ERBB4: variants seen among roughly 807,000 people sequenced by gnomAD.
The protein encoded by ERBB4 is receptor tyrosine-protein kinase erbB-4.
Under a neutral mutation model 158.0 loss-of-function variants are expected in ERBB4, and 42 were observed. The ratio of observed to expected loss-of-function variants is 0.27; its 90% CI spans 0.21 to 0.34. The LOEUF is 0.34. ERBB4 is among the 10% of genes least tolerant of loss of function. The pLI is 1.00. For synonymous variants in ERBB4, 583 were observed against 558.7 expected (o/e 1.04, Z -0.61); for missense variants, 1,333 against 1,624.1 (o/e 0.82, Z 3.08).
intron 1 of ERBB4, among the ~76,000 whole-genome samples, chr2:212,314,428 C>T (rs2106246176): frequency 6.8e-6 from 1 of 146,850 alleles, no homozygotes; most frequent in South Asian, 2.1e-4. Context: ...TGTGGTATTA[C>T]ATTAAAAAAA....
intron 16 of ERBB4, among the ~76,000 whole-genome samples, chr2:211,633,192 T>C (rs1264904676): frequency 6.6e-6 from 1 of 152,140 alleles, no homozygotes; most frequent in Non-Finnish European, 1.5e-5. Flanking sequence ...AGATCCTAGT[T>C]TGGACAAACC....
intron 1 of ERBB4, among the ~76,000 whole-genome samples, chr2:212,253,691 T>C (rs2084622856): frequency 2.0e-5 from 3 of 152,196 alleles, no homozygotes; most frequent in Admixed American, 6.6e-5. Context: ...TGAGATAAAT[T>C]AATCATTTCA....
intron 3 of ERBB4, among the ~76,000 whole-genome samples, chr2:211,883,450 AAAT>A (rs753024791): frequency 2.0e-4 from 31 of 152,088 alleles, no homozygotes; most frequent in Non-Finnish European, 3.4e-4. Flanking sequence ...GTATAATAAA[AAAT>A]AATAATAATA....
At chr2:212,535,344 T>C (rs1053592012) in intron 1 of ERBB4, among the ~76,000 whole-genome samples, 3 of 152,134 alleles carry the variant, frequency 2.0e-5, no homozygotes, top group African/African-American at 4.8e-5. Flanking sequence ...TTCTTGAAAA[T>C]ATATTTAACA....
At chr2:211,446,970 G>A (rs889968416) in intron 20 of ERBB4, among the ~76,000 whole-genome samples, 4 of 151,886 alleles carry the variant, frequency 2.6e-5, no homozygotes, top group African/African-American at 9.7e-5. Flanking sequence ...TTTAACATAA[G>A]AAAACTATAA....
At chr2:212,464,523 T>A (rs1688731142) in intron 1 of ERBB4, among the ~76,000 whole-genome samples, 1 of 152,126 alleles carries the variant, frequency 6.6e-6, no homozygotes, top group African/African-American at 2.4e-5. Flanking sequence ...TTTAGCTGCC[T>A]GAGAACCAAT....
intron 3 of ERBB4, among the ~76,000 whole-genome samples, chr2:211,857,908 A>G (rs5006044): frequency 0.21 from 32,115 of 152,024 alleles, 3,499 homozygotes; most frequent in South Asian, 0.32. Flanking sequence ...AGGATCTCAC[A>G]ACAATAAATC....
chr2:212,221,867 T>A (rs974924281), intron 1 of ERBB4, among the ~76,000 whole-genome samples: 21 of 151,452 alleles, frequency 1.4e-4, no homozygotes, highest in African/African-American at 4.6e-4. Flanking sequence ...TACTTCTATA[T>A]CCTCCAAAAA....
chr2:211,989,780 T>A (rs1032340787), intron 2 of ERBB4, among the ~76,000 whole-genome samples: 1 of 152,004 alleles, frequency 6.6e-6, no homozygotes, highest in African/African-American at 2.4e-5. Context: ...CTTCAGTGAA[T>A]GTTGTTAATA....
intron 2 of ERBB4, among the ~76,000 whole-genome samples, chr2:212,085,100 C>T (rs1471231138): frequency 1.3e-5 from 2 of 151,894 alleles, no homozygotes; most frequent in African/African-American, 4.8e-5. Context: ...TCTTTCCCCA[C>T]CTAAAATAGT....
At position 212,019,391 on chromosome 2, in the gene ERBB4, A is replaced by G. The variant is rs575224510; in HGVS notation, c.235-71775T>C. Among the ~76,000 whole-genome samples the G allele has an allele frequency of 3.9e-5, 6 of 152,334 alleles. No homozygotes were observed. In the East Asian group the frequency reaches 1.2e-3, roughly 29 times the overall value. ...ATTAAAAAAGCATTTAAGGTTATCT[A>G]CAAAAATGCAAACATAAAAAATTTA... On this transcript the variant is annotated intron_variant, in intron 2 of 27. Transcript: ENST00000342788.
rs531536447 is a variant in ERBB4 at position 211,979,374 on chromosome 2, T to C, written c.235-31758A>G. Among the ~76,000 whole-genome samples the C allele has an allele frequency of 2.9e-3, 439 of 152,308 alleles. 3 individuals are homozygous for C. The highest frequency in any genetic ancestry group is 4.6e-3 in the Non-Finnish European group (312 of 68,004). On this transcript the variant is annotated intron_variant, in intron 2 of 27. Coordinates refer to ENST00000342788, the MANE Select transcript of ERBB4 (RefSeq NM_005235.3). ...TGTATATCAAGTTTATGTATTTTCA[T>C]TTGTTTTTTAACCACATTATCTCTT...
chr2:211,812,471 T>A (rs2076780892), intron 3 of ERBB4, among the ~76,000 whole-genome samples: 1 of 152,126 alleles, frequency 6.6e-6, no homozygotes, highest in Non-Finnish European at 1.5e-5. Flanking sequence ...CTGGGAGGTG[T>A]CTCCCAGTTA....
intron 4 of ERBB4, chr2:211,778,583 C>T (rs150396243): frequency 2.0e-5 from 3 of 152,168 alleles, no homozygotes; most frequent in African/African-American, 7.2e-5. Flanking sequence ...CTTCTCCCCC[C>T]ATCTTTTCTA....
chr2:211,806,454 C>T (rs1345423921), intron 3 of ERBB4, among the ~76,000 whole-genome samples: 1 of 151,938 alleles, frequency 6.6e-6, no homozygotes, highest in Non-Finnish European at 1.5e-5. Context: ...GTAAATTTAC[C>T]CTTCACCATT....
In ERBB4 at chr2:211,884,003, T is replaced by C. The variant is rs186027711; in HGVS notation, c.421+63427A>G. ...TATGAAATAGAGAAAATTACTTCTC[T>C]ATTGGAACTAAAATATGTCTTCTTA... On this transcript the variant is annotated intron_variant, in intron 3 of 27. Transcript: ENST00000342788. 2.8e-3 allele frequency among the ~76,000 whole-genome samples: 424 copies of C among 152,290 alleles called. 4 individuals are homozygous for C. The highest frequency in any genetic ancestry group is 0.01 in the Middle Eastern group (3 of 294).
chr2:212,104,886 C>T (rs1280007449), intron 2 of ERBB4, among the ~76,000 whole-genome samples: 1 of 152,114 alleles, frequency 6.6e-6, no homozygotes, highest in Admixed American at 6.5e-5. Flanking sequence ...ATACGTTTTA[C>T]CATTGCATTT....
chr2:212,310,368 T>C (rs900426242), intron 1 of ERBB4, among the ~76,000 whole-genome samples: 1 of 150,776 alleles, frequency 6.6e-6, no homozygotes, highest in African/African-American at 2.4e-5. Flanking sequence ...TCAGCCTCCC[T>C]CTATTGGGGA....
intron 1 of ERBB4, among the ~76,000 whole-genome samples, chr2:212,537,664 A>G (rs1471933957): frequency 1.3e-5 from 2 of 151,960 alleles, no homozygotes; most frequent in African/African-American, 4.8e-5. Flanking sequence ...GCCAATAGCA[A>G]GTTGAACTAC....
Sources: gnomAD v4.1 joint callset for allele counts (sites outside exome capture counted in the v4.1 genomes callset) on GRCh38, gnomAD v4.1.1 for gene constraint, MANE v1.5 for transcripts, NCBI Gene and HGNC (gene_info 2026-07-23, HGNC 2026-07-21) for gene names.